CACNA2D1: variants seen among roughly 807,000 people sequenced by gnomAD.
CACNA2D1 encodes calcium voltage-gated channel auxiliary subunit alpha2delta 1.
Under a neutral mutation model 171.5 loss-of-function variants are expected in CACNA2D1, and 53 were observed. The ratio of observed to expected loss-of-function variants is 0.31; its 90% CI spans 0.25 to 0.39. The LOEUF (loss-of-function observed/expected upper bound fraction) is 0.39. Ranked by LOEUF, CACNA2D1 falls within the 10% of genes least tolerant of loss-of-function variation. The pLI is 1.00. For missense variants in CACNA2D1, 903 were observed against 1,299.8 expected, an observed-to-expected ratio of 0.69 and a Z score of 4.69; for synonymous variants, 442 against 443.1, an observed-to-expected ratio of 1.00 and a Z score of 0.03.
intron 32 of CACNA2D1, among the ~76,000 whole-genome samples, chr7:81,964,910 A>C (rs535726509): frequency 1.3e-4 from 20 of 152,004 alleles, no homozygotes; most frequent in African/African-American, 4.8e-4. Flanking sequence ...TGTACACCTT[A>C]AACATATACA....
At chr7:82,346,461 C>T (rs115366133) in intron 2 of CACNA2D1, among the ~76,000 whole-genome samples, 2,720 of 152,038 alleles carry the variant, frequency 0.018, 85 homozygotes, top group African/African-American at 0.062. Flanking sequence ...GTATAATAGC[C>T]TTAGGGATTT....
intron 3 of CACNA2D1, among the ~76,000 whole-genome samples, chr7:82,268,624 A>G (rs955293667): frequency 1.3e-5 from 2 of 152,024 alleles, no homozygotes; most frequent in Non-Finnish European, 2.9e-5. Context: ...AAAAATGTTG[A>G]GAAATTATTT....
At position 82,181,041 on chromosome 7, in the gene CACNA2D1, ATTTTTTTTTTTTTTTTTTTTT is replaced by A. The variant is rs71093367; in HGVS notation, c.295-10453_295-10433del. Among the ~76,000 whole-genome samples the A allele has an allele frequency of 3.1e-3, 43 of 13,960 alleles. 2 individuals carry two copies. In the East Asian group the frequency reaches 0.038, roughly 12 times the overall value. The allele number at this position is 13,960 out of a possible 152,430, so 9.2% of individuals were successfully genotyped here. On this transcript the variant is annotated intron_variant, in intron 3 of 38. Coordinates refer to ENST00000356860, the MANE Select transcript of CACNA2D1 (RefSeq NM_000722.4). ...GGTCAGCAGCTGTGGGGCATGTCGG[ATTTTTTTTTTTTTTTTTTTTT>A]TTTTTTTTTTTTTTTGCGTCAGTGA...
At chr7:82,084,970 T>C (rs1475409988) in intron 6 of CACNA2D1, 70 bp from the exon 7 acceptor site, 2 of 1,186,030 alleles carry the variant, frequency 1.7e-6, no homozygotes, top group Non-Finnish European at 2.5e-6. Context: ...TTCATTTATT[T>C]ACAAAATAAT....
chr7:82,334,189 T>C (rs1406306054), intron 3 of CACNA2D1, among the ~76,000 whole-genome samples: 1 of 152,166 alleles, frequency 6.6e-6, no homozygotes, highest in Non-Finnish European at 1.5e-5. Context: ...CACTTCCACA[T>C]GTCGGCCAGA....
intron 3 of CACNA2D1, among the ~76,000 whole-genome samples, chr7:82,216,617 G>A (rs565366684): frequency 3.3e-5 from 5 of 151,962 alleles, no homozygotes; most frequent in African/African-American, 1.2e-4. Context: ...TTTTTCTGAA[G>A]CATTCTGAAG....
chr7:82,326,368 G>A (rs1302971393), intron 3 of CACNA2D1, among the ~76,000 whole-genome samples: 3 of 152,162 alleles, frequency 2.0e-5, no homozygotes, highest in Non-Finnish European at 4.4e-5. Context: ...CATCAATGAT[G>A]TTAAGTGAGA....
At position 82,283,612 on chromosome 7, in the gene CACNA2D1, G is replaced by A. The variant is rs370944851; in HGVS notation, c.294+51523C>T. ...TTAGGAGTAAAAATGATATGGTCTT[G>A]GAAGAAGATGATAGGAGGAAGATTC... On this transcript the variant is annotated intron_variant, in intron 3 of 38. Coordinates refer to ENST00000356860, the MANE Select transcript of CACNA2D1 (RefSeq NM_000722.4). Among the ~76,000 whole-genome samples the A allele has an allele frequency of 1.1e-3, 160 of 152,156 alleles. 3 individuals are homozygous for A. In the South Asian group the frequency reaches 0.033, roughly 31 times the overall value.
chr7:82,309,981 G>GT (rs1814229559), intron 3 of CACNA2D1, among the ~76,000 whole-genome samples: 2 of 152,028 alleles, frequency 1.3e-5, no homozygotes, highest in South Asian at 2.1e-4. Context: ...AAAAATGTCT[G>GT]TATCATTTCT....
At chr7:82,241,389 T>A (rs1221075984) in intron 3 of CACNA2D1, among the ~76,000 whole-genome samples, 1 of 152,234 alleles carries the variant, frequency 6.6e-6, no homozygotes. Context: ...ATCTGGACTA[T>A]ATTTTGCATT....
At chr7:82,425,851 G>C (rs1829121793) in intron 1 of CACNA2D1, among the ~76,000 whole-genome samples, 1 of 151,160 alleles carries the variant, frequency 6.6e-6, no homozygotes, top group African/African-American at 2.4e-5. Flanking sequence ...GTTTGGGGCT[G>C]GGCGTGGTGG....
At chr7:82,163,723 C>A (rs558144671) in intron 4 of CACNA2D1, among the ~76,000 whole-genome samples, 1 of 152,006 alleles carries the variant, frequency 6.6e-6, no homozygotes, top group Admixed American at 6.6e-5. Context: ...AAAGACTTCA[C>A]ACTTTGGGAT....
intron 3 of CACNA2D1, among the ~76,000 whole-genome samples, chr7:82,175,654 G>A (rs1183803341): frequency 6.6e-6 from 1 of 152,024 alleles, no homozygotes; most frequent in Non-Finnish European, 1.5e-5. Flanking sequence ...TTGGATCTAT[G>A]GTACAATGAA....
At chr7:82,337,478 G>A (rs1208973242) in intron 2 of CACNA2D1, among the ~76,000 whole-genome samples, 1 of 152,086 alleles carries the variant, frequency 6.6e-6, no homozygotes, top group Non-Finnish European at 1.5e-5. Flanking sequence ...TTCATAATAT[G>A]TGTATATTTC....
chr7:82,139,200 T>C (rs919743773), intron 4 of CACNA2D1, among the ~76,000 whole-genome samples: 2 of 152,168 alleles, frequency 1.3e-5, no homozygotes, highest in African/African-American at 4.8e-5. Flanking sequence ...AGGATTACAC[T>C]TGGTCCATGG....
chr7:82,130,414 TG>T (rs991439527), intron 5 of CACNA2D1, among the ~76,000 whole-genome samples: 1 of 152,052 alleles, frequency 6.6e-6, no homozygotes, highest in African/African-American at 2.4e-5. Context: ...ATCTTGACAA[TG>T]GAAAAAGATA....
intron 7 of CACNA2D1, among the ~76,000 whole-genome samples, chr7:82,084,119 A>C (rs1426233022): frequency 6.6e-6 from 1 of 152,176 alleles, no homozygotes. Flanking sequence ...AGGATGTCCT[A>C]GGAATTAATT....
At chr7:82,116,075 A>T (rs1383074116) in intron 6 of CACNA2D1, among the ~76,000 whole-genome samples, 1 of 152,122 alleles carries the variant, frequency 6.6e-6, no homozygotes, top group Admixed American at 6.6e-5. Context: ...AATACACTCT[A>T]CCGCGTCTCA....
intron 3 of CACNA2D1, among the ~76,000 whole-genome samples, chr7:82,297,606 AC>A (rs1391499739): frequency 6.6e-6 from 1 of 152,200 alleles, no homozygotes; most frequent in Non-Finnish European, 1.5e-5. Flanking sequence ...AAACAAATGA[AC>A]AAACAGAATT....
Sources: gnomAD v4.1 joint callset for allele counts (sites outside exome capture counted in the v4.1 genomes callset) on GRCh38, gnomAD v4.1.1 for gene constraint, MANE v1.5 for transcripts, NCBI Gene and HGNC (gene_info 2026-07-23, HGNC 2026-07-21) for gene names.